The following AP4S1 variants were observed in gnomAD, a reference collection of about 807,000 sequenced individuals.
The protein encoded by AP4S1 is adaptor related protein complex 4 subunit sigma 1, also known as AP-4 complex subunit sigma-1.
AP4S1 carries 23 observed loss-of-function variants against 19.8 expected under a neutral mutation model. The observed-to-expected ratio is 1.16, with a 90% CI of 0.84 to 1.65. AP4S1 has a LOEUF of 1.65. Among genes scored for constraint, AP4S1 ranks in the 40% most tolerant of loss-of-function variants. The probability of loss-of-function intolerance (pLI) is 0.00; values close to 1 mark genes in which losing one functional copy is unlikely to be tolerated. For missense variants in AP4S1, 166 were observed against 172.8 expected, an observed-to-expected ratio of 0.96 and a Z score of 0.22; for synonymous variants, 46 against 54.1, an observed-to-expected ratio of 0.85 and a Z score of 0.66.
Position 31,084,973 on chromosome 14 carries a change from G to T in AP4S1, c.306+4389G>T, listed in dbSNP as rs1594714139. ...GTGCGTACCTGCTCTACGCGTGAAGGTACAGAAAACCTCCACGGCCTTTTC... is the reference window on the plus strand; with the variant it reads ...GTGCGTACCTGCTCTACGCGTGAAGTTACAGAAAACCTCCACGGCCTTTTC... On this transcript the variant is annotated intron_variant, in intron 5 of 5. Transcript: ENST00000542754. The T allele has an allele frequency of 2.5e-6, 4 of 1,587,004 alleles. No individual in the cohort carries two copies. The South Asian group carries it at 3.4e-5, about 14-fold the overall frequency.
chr14:31,036,491 CTA>C (rs1371358244), intron 1 of AP4S1, among the ~76,000 whole-genome samples: 1 of 152,188 alleles, frequency 6.6e-6, no homozygotes, highest in East Asian at 1.9e-4. Flanking sequence ...TAATGTCTAG[CTA>C]TCTGAATTTT....
chr14:31,068,610 G>A (rs1033950528), intron 2 of AP4S1, among the ~76,000 whole-genome samples: 1 of 152,354 alleles, frequency 6.6e-6, no homozygotes, highest in South Asian at 2.1e-4. Flanking sequence ...TCTGCAGAAT[G>A]CAGGCACTCA....
At chr14:31,033,791 C>T (rs1289395696) in intron 1 of AP4S1, among the ~76,000 whole-genome samples, 1 of 152,134 alleles carries the variant, frequency 6.6e-6, no homozygotes, top group Non-Finnish European at 1.5e-5. Context: ...AAAGGATCTT[C>T]ACAGATTACA....
intron 1 of AP4S1, among the ~76,000 whole-genome samples, chr14:31,048,615 C>T (rs1168024098): frequency 2.0e-5 from 3 of 151,660 alleles, no homozygotes; most frequent in Non-Finnish European, 4.4e-5. Flanking sequence ...GGCACATTCC[C>T]GTAATCCCAG....
At chr14:31,064,341 C>T (rs368470320) in intron 1 of AP4S1, among the ~76,000 whole-genome samples, 15 of 152,066 alleles carry the variant, frequency 9.9e-5, no homozygotes, top group East Asian at 3.9e-4. Flanking sequence ...CTCCACCTCC[C>T]GGGCTCAAGA....
At chr14:31,072,095 C>G (rs1887044443) in intron 3 of AP4S1, among the ~76,000 whole-genome samples, 1 of 151,780 alleles carries the variant, frequency 6.6e-6, no homozygotes, top group Admixed American at 6.6e-5. Context: ...CATGTGCCAC[C>G]ATGCCCAGCT....
chr14:31,084,991 GC>G (rs1887858322), intron 5 of AP4S1: 4 of 1,552,270 alleles, frequency 2.6e-6, no homozygotes, highest in Non-Finnish European at 3.5e-6. Context: ...AACCTCCACG[GC>G]CTTTTCAGTA....
At chr14:31,075,980 C>A (rs1887336515) in intron 4 of AP4S1, among the ~76,000 whole-genome samples, 1 of 152,154 alleles carries the variant, frequency 6.6e-6, no homozygotes, top group Non-Finnish European at 1.5e-5. Flanking sequence ...AGGTGATCCG[C>A]CTGCCTCGGC....
In AP4S1 at chr14:31,085,600, C is replaced by G. The variant is rs145999009; in HGVS notation, c.306+5016C>G. ...ACCAGCCTGGGCAACATAGGGAGAC[C>G]CAGTCTCTACAAAAAAATTTAAAAA... On this transcript the variant is annotated intron_variant, in intron 5 of 5. Transcript: ENST00000542754. 7.3e-3 allele frequency: 6,314 copies of G among 859,544 alleles called. 347 individuals are homozygous for G. The African/African-American group carries it at 0.11, about 15-fold the overall frequency. 53.2% of individuals were successfully genotyped at this position (859,544 alleles called of 1,614,324 possible). A position where few individuals can be genotyped will look rare whatever the true frequency, so the allele number is the denominator to read the frequency against.
rs1375650121 is a variant in AP4S1, at chr14:31,094,716, A to G, written c.*1681A>G. 1 of 152,314 alleles carries G rather than the reference A, an allele frequency of 6.6e-6. No homozygotes were observed. The highest frequency in any genetic ancestry group is 1.5e-5 in the Non-Finnish European group (1 of 68,170). The allele number at this position is 152,314 out of a possible 1,614,324, so 9.4% of individuals were successfully genotyped here. A position where few individuals can be genotyped will look rare whatever the true frequency, so the allele number is the denominator to read the frequency against. On this transcript the variant is annotated 3_prime_UTR_variant, in exon 6 of 6. Transcript: ENST00000542754. ...CCAGCCTGGGCAACACAGCAAGACCATATCTCTACAAAAAATAAATAGGTG... is the reference window on the plus strand; with the variant it reads ...CCAGCCTGGGCAACACAGCAAGACCGTATCTCTACAAAAAATAAATAGGTG...
intron 3 of AP4S1, 77 bp from the exon 4 acceptor site, chr14:31,072,828 C>A: frequency 8.2e-7 from 1 of 1,225,218 alleles, no homozygotes; most frequent in South Asian, 1.2e-5. Flanking sequence ...AACCTGGACA[C>A]TGACTGGGAA....
chr14:31,029,781 T>A (rs771614956), intron 1 of AP4S1, among the ~76,000 whole-genome samples: 1 of 151,454 alleles, frequency 6.6e-6, no homozygotes. Context: ...TGCATCATTA[T>A]GCCACTGCAC....
chr14:31,049,429 ATATATAT>A (rs1443242616), intron 1 of AP4S1, among the ~76,000 whole-genome samples: 336 of 35,874 alleles, frequency 9.4e-3, no homozygotes, highest in African/African-American at 0.017. Context: ...AAAAAAAAAA[ATATATAT>A]ATATATATAT....
intron 2 of AP4S1, among the ~76,000 whole-genome samples, chr14:31,067,884 T>C (rs1886810081): frequency 6.6e-6 from 1 of 151,576 alleles, no homozygotes. Context: ...ATATTTTTTT[T>C]TTTTGAGACA....
chr14:31,049,496 CACACACACACACAT>C (rs1885656536), intron 1 of AP4S1, among the ~76,000 whole-genome samples: 1 of 142,614 alleles, frequency 7.0e-6, no homozygotes, highest in South Asian at 2.2e-4. Flanking sequence ...CACACACACA[CACACACACACACAT>C]AAATTACCCT....
At chr14:31,035,940 C>G (rs1321826220) in intron 1 of AP4S1, among the ~76,000 whole-genome samples, 1 of 151,946 alleles carries the variant, frequency 6.6e-6, no homozygotes, top group African/African-American at 2.4e-5. Flanking sequence ...CCATGTTAGC[C>G]AGGATGGTCT....
At position 31,066,126 on chromosome 14, in the gene AP4S1, G is replaced by T; in HGVS notation, c.-71G>T. 6 of 1,483,976 alleles carry T rather than the reference G, an allele frequency of 4.0e-6. No individual in the cohort carries two copies. Among genetic ancestry groups the T allele is most frequent in the Non-Finnish European group, 4.7e-6 (5 of 1,069,016 alleles). 91.9% of individuals were successfully genotyped at this position (1,483,976 alleles called of 1,614,324 possible). On this transcript the variant is annotated splice_region_variant and 5_prime_UTR_variant, in exon 2 of 6. Coordinates refer to ENST00000542754, the MANE Select transcript of AP4S1 (RefSeq NM_001128126.3). ...GGTTTTGTTTGTTTTTGTCTTCAAGGTTCCAGTTACAGCCATCCCTTGTCA... is the reference window on the plus strand; with the variant it reads ...GGTTTTGTTTGTTTTTGTCTTCAAGTTTCCAGTTACAGCCATCCCTTGTCA...
intron 1 of AP4S1, among the ~76,000 whole-genome samples, chr14:31,051,673 A>G (rs1428429453): frequency 2.6e-5 from 4 of 152,000 alleles, no homozygotes; most frequent in African/African-American, 9.7e-5. Context: ...TTATTTATTT[A>G]TTTATGAGAC....
chr14:31,079,715 A>C (rs1433201708), intron 4 of AP4S1, among the ~76,000 whole-genome samples: 1 of 152,130 alleles, frequency 6.6e-6, no homozygotes, highest in African/African-American at 2.4e-5. Context: ...AGTCCCAGCT[A>C]CTTGGGAGGC....
Sources: gnomAD v4.1 joint callset for allele counts (sites outside exome capture counted in the v4.1 genomes callset) on GRCh38, gnomAD v4.1.1 for gene constraint, MANE v1.5 for transcripts, NCBI Gene and HGNC (gene_info 2026-07-23, HGNC 2026-07-21) for gene names.